Variants in ASCC3 observed in about 807,000 individuals in gnomAD.
ASCC3 encodes the protein ASC-1 complex subunit P200.
ASCC3 carries 158 observed loss-of-function variants against 256.3 expected under a neutral mutation model. That is an observed-to-expected ratio of 0.62 (90% CI 0.54 to 0.70). The LOEUF is 0.70. ASCC3 is among the 30% of genes least tolerant of loss of function. The pLI is 0.00. For synonymous variants in ASCC3, 948 were observed against 883.4 expected, an observed-to-expected ratio of 1.07 and a Z score of -1.30; for missense variants, 2,259 against 2,626.0, an observed-to-expected ratio of 0.86 and a Z score of 3.05.
intron 37 of ASCC3, among the ~76,000 whole-genome samples, chr6:100,535,000 C>T (rs1226858666): frequency 6.6e-6 from 1 of 152,202 alleles, no homozygotes; most frequent in Non-Finnish European, 1.5e-5. Context: ...AATGAAGATA[C>T]TAAGACCTAC....
chr6:100,579,995 AT>A (rs767089710), intron 36 of ASCC3, among the ~76,000 whole-genome samples: 1 of 151,994 alleles, frequency 6.6e-6, no homozygotes, highest in Non-Finnish European at 1.5e-5. Context: ...GTCAACTCTG[AT>A]TTTTTTGAGC....
intron 10 of ASCC3, among the ~76,000 whole-genome samples, chr6:100,731,205 A>G (rs1003350137): frequency 2.0e-5 from 3 of 152,210 alleles, no homozygotes; most frequent in Admixed American, 6.5e-5. Context: ...ACGTTCTCCT[A>G]TTCAAAATTG....
chr6:100,729,201 G>T (rs1328215314), intron 10 of ASCC3, among the ~76,000 whole-genome samples: 3 of 151,984 alleles, frequency 2.0e-5, no homozygotes, highest in Admixed American at 6.6e-5. Context: ...AGTGTGAGGG[G>T]GTAAATAAGA....
chr6:100,619,918 C>T (rs867827602), intron 30 of ASCC3, among the ~76,000 whole-genome samples: 24 of 151,948 alleles, frequency 1.6e-4, no homozygotes, highest in African/African-American at 5.6e-4. Flanking sequence ...ATGGAGTTGA[C>T]GAAATTTTTA....
chr6:100,650,213 G>A (rs960697340), intron 20 of ASCC3, among the ~76,000 whole-genome samples: 1 of 151,116 alleles, frequency 6.6e-6, no homozygotes, highest in African/African-American at 2.4e-5. Flanking sequence ...CTCTTTATAA[G>A]TACTTTATAT....
chr6:100,787,631 T>C (rs150800481), intron 8 of ASCC3, among the ~76,000 whole-genome samples: 48 of 152,194 alleles, frequency 3.2e-4, no homozygotes, highest in African/African-American at 1.0e-3. Context: ...TGGCAAAGAA[T>C]AGACATGCAG....
At chr6:100,844,124 C>G (rs1772278722) in intron 4 of ASCC3, among the ~76,000 whole-genome samples, 1 of 148,362 alleles carries the variant, frequency 6.7e-6, no homozygotes, top group African/African-American at 2.5e-5. Flanking sequence ...CTTCAAAGAG[C>G]CTTGCCAGTT....
chr6:100,786,246 C>T (rs1318519932), intron 8 of ASCC3, among the ~76,000 whole-genome samples: 3 of 152,076 alleles, frequency 2.0e-5, no homozygotes, highest in African/African-American at 7.2e-5. Flanking sequence ...CTTTAGGGTG[C>T]TATGTCAATA....
At chr6:100,535,067 C>T (rs1425071487) in intron 37 of ASCC3, among the ~76,000 whole-genome samples, 1 of 152,196 alleles carries the variant, frequency 6.6e-6, no homozygotes, top group African/African-American at 2.4e-5. Flanking sequence ...CACCACTCTT[C>T]TAAGGTGTTA....
chr6:100,825,271 T>C (rs846778), intron 4 of ASCC3, among the ~76,000 whole-genome samples: 69,025 of 149,538 alleles, frequency 0.46, 16,226 homozygotes, highest in Middle Eastern at 0.59. Context: ...GATTCTTTTG[T>C]GATTTTTTTT....
At chr6:100,642,852 G>T (rs1775197280) in intron 23 of ASCC3, 103 bp from the exon 24 acceptor site, 1 of 1,092,776 alleles carries the variant, frequency 9.2e-7, no homozygotes, top group African/African-American at 1.6e-5. Context: ...ATATACTAAA[G>T]ACAAAGTATC....
chr6:100,534,652 G>C (rs1775075977), intron 37 of ASCC3, among the ~76,000 whole-genome samples: 1 of 152,012 alleles, frequency 6.6e-6, no homozygotes, highest in East Asian at 1.9e-4. Flanking sequence ...TTGTTAAGGG[G>C]GATAGCAAAG....
intron 30 of ASCC3, among the ~76,000 whole-genome samples, chr6:100,608,343 TTATA>T (rs1334261956): frequency 9.7e-6 from 1 of 102,900 alleles, no homozygotes; most frequent in Non-Finnish European, 1.8e-5. Context: ...TATGTATACC[TTATA>T]TATATACCTT....
rs566108186 is a variant in ASCC3 at position 100,536,878 on chromosome 6, T to C, written c.5775+3285A>G. Among the ~76,000 whole-genome samples, 680 of 152,266 alleles carry C rather than the reference T, an allele frequency of 4.5e-3. 4 individuals carry two copies. The highest frequency in any genetic ancestry group is 0.016 in the African/African-American group (655 of 41,554). On this transcript the variant is annotated intron_variant, in intron 37 of 41. Coordinates refer to ENST00000369162, the MANE Select transcript of ASCC3 (RefSeq NM_006828.4). ...CAGCACAAGATGCCAGAATGCAAGG[T>C]AGTATTCAAGAAACACTGGGGTGAG...
intron 11 of ASCC3, among the ~76,000 whole-genome samples, chr6:100,724,867 C>G (rs1234699604): frequency 1.3e-5 from 2 of 151,930 alleles, no homozygotes; most frequent in Non-Finnish European, 2.9e-5. Flanking sequence ...ACAGGGTAAT[C>G]CCAAGGATCC....
intron 30 of ASCC3, among the ~76,000 whole-genome samples, chr6:100,624,108 A>C (rs560999615): frequency 3.6e-4 from 54 of 152,056 alleles, no homozygotes; most frequent in Non-Finnish European, 7.5e-4. Flanking sequence ...CTAAAACTTA[A>C]AGTATAATAA....
At chr6:100,697,756 T>G (rs1778161241) in intron 13 of ASCC3, among the ~76,000 whole-genome samples, 1 of 151,922 alleles carries the variant, frequency 6.6e-6, no homozygotes, top group African/African-American at 2.4e-5. Flanking sequence ...GGCCAAGAGG[T>G]AAAAAGAAAT....
chr6:100,870,682 C>T (rs1332310014), intron 1 of ASCC3, among the ~76,000 whole-genome samples: 1 of 152,192 alleles, frequency 6.6e-6, no homozygotes, highest in Non-Finnish European at 1.5e-5. Context: ...AATGATCCAA[C>T]TTACAAATAA....
chr6:100,722,367 T>A (rs1034109283), intron 11 of ASCC3, among the ~76,000 whole-genome samples: 1 of 151,734 alleles, frequency 6.6e-6, no homozygotes, highest in Non-Finnish European at 1.5e-5. Flanking sequence ...TCTAATTCTA[T>A]GAAGAATGAC....
Sources: allele counts gnomAD v4.1 joint callset (sites outside exome capture counted in the v4.1 genomes callset), GRCh38; gene constraint gnomAD v4.1.1; transcripts MANE v1.5; gene names NCBI Gene and HGNC (gene_info 2026-07-23, HGNC 2026-07-21).